The following APBB1IP variants were observed in gnomAD, a reference collection of about 807,000 sequenced individuals.
APBB1IP encodes amyloid beta A4 precursor protein-binding family B member 1-interacting protein.
A neutral mutation model predicts 64.9 loss-of-function variants in APBB1IP; 27 were observed. The observed-to-expected ratio is 0.42, with a 90% CI of 0.31 to 0.57. The LOEUF (loss-of-function observed/expected upper bound fraction) is 0.57. Ranked by LOEUF, APBB1IP falls within the 20% of genes least tolerant of loss-of-function variation. The pLI is 0.20. For missense variants in APBB1IP, 812 were observed against 845.5 expected, an observed-to-expected ratio of 0.96 and a Z score of 0.49; for synonymous variants, 392 against 331.0, an observed-to-expected ratio of 1.18 and a Z score of -2.00.
chr10:26,523,151 C>T (rs901963393), intron 8 of APBB1IP, among the ~76,000 whole-genome samples: 6 of 151,944 alleles, frequency 3.9e-5, no homozygotes, highest in African/African-American at 1.5e-4. Context: ...AATTACATTC[C>T]AGTTTTTCAT....
At chr10:26,513,748 G>T in intron 8 of APBB1IP, 88 bp downstream of exon 8, 1 of 1,461,972 alleles carries the variant, frequency 6.8e-7, no homozygotes, top group East Asian at 2.4e-5. Context: ...TGGAGACAGG[G>T]TCTGAAAGGC....
At chr10:26,467,962 C>T (rs1217007247) in intron 2 of APBB1IP, among the ~76,000 whole-genome samples, 2 of 152,242 alleles carry the variant, frequency 1.3e-5, no homozygotes, top group African/African-American at 4.8e-5. Context: ...GCTATCACCA[C>T]TTACTGAGTG....
chr10:26,498,687 C>T (rs1332276962), intron 4 of APBB1IP, among the ~76,000 whole-genome samples: 1 of 152,160 alleles, frequency 6.6e-6, no homozygotes, highest in African/African-American at 2.4e-5. Context: ...GTCATCTCAA[C>T]TAACGCTTTC....
chr10:26,538,185 C>T (rs977222823), intron 10 of APBB1IP, among the ~76,000 whole-genome samples: 1 of 152,092 alleles, frequency 6.6e-6, no homozygotes, highest in African/African-American at 2.4e-5. Flanking sequence ...TTTACACAAA[C>T]AATATATATA....
At position 26,492,364 on chromosome 10, in the gene APBB1IP, G is replaced by A; in HGVS notation, c.38G>A (p.Ser13Asn). The A allele has an allele frequency of 6.2e-7, 1 of 1,614,014 alleles. No homozygotes were observed. The highest frequency in any genetic ancestry group is 8.5e-7 in the Non-Finnish European group (1 of 1,179,938). Residue 13 changes from serine to asparagine, a missense_variant, in exon 3 of 15, where the codon AGC (serine) becomes AAC (asparagine). Physicochemically the swap from Ser to Asn is conservative, Grantham distance 46 (BLOSUM62 1). Transcript: ENST00000376236. ...AGTGAAGACATAGACCAAATGTTCA[G>A]CACTTTGCTGGGAGAGATGGATCTT... is the stretch of plus-strand genomic sequence containing the variant. The part of the protein sequence containing the change: ...ESSEDIDQMF[S>N]TLLGEMDLLT...
chr10:26,493,571 G>A lies in APBB1IP; in HGVS notation c.72+1173G>A, dbSNP rs145882042. On this transcript the variant is annotated intron_variant, in intron 3 of 14. Transcript: ENST00000376236. Reference sequence around the variant, plus strand: ...CTCCATTCGGGGTCCCTGACTTCCCGCAACACCCTGAAGATTGGCAACATT... The same window carrying A: ...CTCCATTCGGGGTCCCTGACTTCCCACAACACCCTGAAGATTGGCAACATT... Among the ~76,000 whole-genome samples, 99 of 152,212 alleles carry A rather than the reference G, an allele frequency of 6.5e-4. No homozygotes were observed. The East Asian group carries it at 0.012, about 18-fold the overall frequency.
intron 10 of APBB1IP, among the ~76,000 whole-genome samples, chr10:26,539,318 G>A (rs1836667589): frequency 1.3e-5 from 2 of 151,794 alleles, no homozygotes; most frequent in African/African-American, 2.4e-5. Context: ...AGGCTGATCC[G>A]GGAGGATCAT....
Position 26,567,285 on chromosome 10 carries a change from C to A in APBB1IP, c.1798C>A (p.Pro600Thr), listed in dbSNP as rs759897224. 1.1e-3 allele frequency: 1,106 copies of A among 979,062 alleles called. 5 individuals carry two copies. The highest frequency in any genetic ancestry group is 9.2e-4 in the Non-Finnish European group (740 of 808,054). 60.6% of individuals were successfully genotyped at this position (979,062 alleles called of 1,614,324 possible). ...YAGIAGSELP[P>T]PPPPPPAPAP... ...AGGGATCGCGGGCTCAGAGCTGCCC[C>A]CGCCGCCGCCGCCGCCGCCCGCGCC... The change falls in exon 15 of 15, where the codon CCG (proline) becomes ACG (threonine). Residue 600 changes from proline (P) to threonine (T), a missense_variant. By Grantham distance (38) the Pro-to-Thr change is conservative. Coordinates refer to ENST00000376236, the MANE Select transcript of APBB1IP (RefSeq NM_019043.4).
chr10:26,526,877 G>C (rs1218788289), intron 8 of APBB1IP, among the ~76,000 whole-genome samples: 1 of 152,196 alleles, frequency 6.6e-6, no homozygotes, highest in Non-Finnish European at 1.5e-5. Context: ...AGATTATTCT[G>C]TTTCTTAACT....
chr10:26,558,925 C>G (rs1053361098), intron 11 of APBB1IP, among the ~76,000 whole-genome samples: 1 of 152,198 alleles, frequency 6.6e-6, no homozygotes, highest in Non-Finnish European at 1.5e-5. Context: ...TTGCTTAGTG[C>G]TACTTGCACT....
Position 26,484,834 on chromosome 10 carries a change from CA to C in APBB1IP, c.1-7490del, listed in dbSNP as rs557332346. Among the ~76,000 whole-genome samples, 174 of 152,094 alleles carry C rather than the reference CA, an allele frequency of 1.1e-3. 1 individual carries two copies. Among genetic ancestry groups the C allele is most frequent in the African/African-American group, 4.0e-3 (166 of 41,470 alleles). On this transcript the variant is annotated intron_variant, in intron 2 of 14. Coordinates refer to ENST00000376236, the MANE Select transcript of APBB1IP (RefSeq NM_019043.4). ...AAATTGTAACACATTATTGTTATAA[CA>C]AAGGGGTACACATGAAATTAGTTAT... is the stretch of plus-strand genomic sequence containing the variant.
chr10:26,491,909 G>A (rs1227425305), intron 2 of APBB1IP, among the ~76,000 whole-genome samples: 15 of 151,894 alleles, frequency 9.9e-5, no homozygotes, highest in South Asian at 2.1e-4. Context: ...CTACAGGCAC[G>A]TGCCACCACA....
At position 26,443,447 on chromosome 10, in the gene APBB1IP, C is replaced by CAAA. The variant is rs71281576; in HGVS notation, c.-1+4604_-1+4606dup. On this transcript the variant is annotated intron_variant, in intron 2 of 14. Coordinates refer to ENST00000376236, the MANE Select transcript of APBB1IP (RefSeq NM_019043.4). ...AAGTTTCAAGAGCGAAACTCCATCT[C>CAAA]AAAAAAAAAAAATTACTTATATGAG... 3.7e-3 allele frequency among the ~76,000 whole-genome samples: 516 copies of CAAA among 137,654 alleles called. 3 individuals carry two copies. The highest frequency in any genetic ancestry group is 0.011 in the Middle Eastern group (3 of 274). The allele number at this position is 137,654 out of a possible 152,430, so 90.3% of individuals were successfully genotyped here.
chr10:26,460,666 T>C (rs1252364193), intron 2 of APBB1IP, among the ~76,000 whole-genome samples: 2 of 152,164 alleles, frequency 1.3e-5, no homozygotes, highest in African/African-American at 4.8e-5. Context: ...TGGATGGAGC[T>C]GGAAGCCATT....
At chr10:26,455,233 G>C (rs988098052) in intron 2 of APBB1IP, among the ~76,000 whole-genome samples, 1 of 152,126 alleles carries the variant, frequency 6.6e-6, no homozygotes, top group African/African-American at 2.4e-5. Flanking sequence ...GTATCATTAA[G>C]AAGGAAAAAG....
chr10:26,463,640 G>A (rs994315987), intron 2 of APBB1IP, among the ~76,000 whole-genome samples: 22 of 152,196 alleles, frequency 1.4e-4, no homozygotes, highest in South Asian at 8.3e-4. Flanking sequence ...TTTTTTCCAC[G>A]TTATTTAAGG....
At chr10:26,499,380 G>A (rs985433374) in intron 4 of APBB1IP, among the ~76,000 whole-genome samples, 3 of 151,768 alleles carry the variant, frequency 2.0e-5, no homozygotes, top group South Asian at 2.1e-4. Context: ...GTTTTTACAC[G>A]TTTAGGAAAC....
intron 6 of APBB1IP, among the ~76,000 whole-genome samples, chr10:26,510,990 T>C (rs756997963): frequency 1.5e-4 from 23 of 152,054 alleles, no homozygotes; most frequent in Non-Finnish European, 2.6e-4. Flanking sequence ...CTTCAGACTC[T>C]TGGGTTGCAT....
chr10:26,535,950 C>A (rs950926765), intron 9 of APBB1IP, 124 bp from the exon 10 acceptor site: 3 of 956,422 alleles, frequency 3.1e-6, no homozygotes, highest in African/African-American at 3.3e-5. Context: ...CATATGCATT[C>A]GATCAGAGTT....
Sources: gnomAD v4.1 joint callset for allele counts (sites outside exome capture counted in the v4.1 genomes callset) on GRCh38, gnomAD v4.1.1 for gene constraint, MANE v1.5 for transcripts, NCBI Gene and HGNC (gene_info 2026-07-23, HGNC 2026-07-21) for gene names.